COL5A2: variants seen among roughly 807,000 people sequenced by gnomAD.
COL5A2 encodes collagen alpha-2(V) chain.
A neutral mutation model predicts 208.2 loss-of-function variants in COL5A2; 23 were observed. The observed-to-expected ratio is 0.11, with a 90% confidence interval of 0.08 to 0.16. COL5A2 has a LOEUF of 0.16. Ranked by LOEUF, COL5A2 falls within the 10% of genes least tolerant of loss-of-function variation. COL5A2 has a pLI of 1.00. For missense variants in COL5A2, 1,590 were observed against 1,956.4 expected, an observed-to-expected ratio of 0.81 and a Z score of 3.53; for synonymous variants, 625 against 628.5, an observed-to-expected ratio of 0.99 and a Z score of 0.08.
chr2:189,393,026 TAAAAG>T, the COL5A2 span, among the ~76,000 whole-genome samples: 1 of 152,028 alleles, frequency 6.6e-6, no homozygotes, highest in East Asian at 1.9e-4. Flanking sequence ...TACGCATAAA[TAAAAG>T]AAAAAAAACT....
chr2:189,226,378 G>C (rs970791487), upstream of COL5A2, among the ~76,000 whole-genome samples: 1 of 152,080 alleles, frequency 6.6e-6, no homozygotes, highest in African/African-American at 2.4e-5. Context: ...CTGTTTATGA[G>C]AAATCCCAAA....
the COL5A2 span, among the ~76,000 whole-genome samples, chr2:189,390,212 T>C: frequency 6.6e-6 from 1 of 152,074 alleles, no homozygotes; most frequent in African/African-American, 2.4e-5. Context: ...CCCAATCCCC[T>C]GGAGCTCACC....
At chr2:189,407,989 G>T in the COL5A2 span, among the ~76,000 whole-genome samples, 1 of 152,148 alleles carries the variant, frequency 6.6e-6, no homozygotes, top group African/African-American at 2.4e-5. Flanking sequence ...CAATATTTTT[G>T]ATAGTGAAAG....
chr2:189,203,582 T>A (rs1689106311), intron 1 of COL5A2, among the ~76,000 whole-genome samples: 1 of 152,240 alleles, frequency 6.6e-6, no homozygotes, highest in South Asian at 2.1e-4. Flanking sequence ...TGTCACCTTG[T>A]TAGCTGTAAT....
chr2:189,361,054 G>A, the COL5A2 span, among the ~76,000 whole-genome samples: 2 of 150,916 alleles, frequency 1.3e-5, no homozygotes, highest in Non-Finnish European at 2.9e-5. Flanking sequence ...TCTGTGTGCT[G>A]TTGAGAAATA....
chr2:189,378,627 G>A, the COL5A2 span, among the ~76,000 whole-genome samples: 4 of 152,004 alleles, frequency 2.6e-5, no homozygotes, highest in Non-Finnish European at 4.4e-5. Context: ...GGGAGGCTGA[G>A]GCAGCAGAAT....
chr2:189,251,088 G>A, the COL5A2 span, among the ~76,000 whole-genome samples: 1 of 152,094 alleles, frequency 6.6e-6, no homozygotes, highest in Admixed American at 6.6e-5. Flanking sequence ...GATTACATGT[G>A]AGCAAGTGTA....
intron 1 of COL5A2, among the ~76,000 whole-genome samples, chr2:189,112,702 G>T (rs1687308410): frequency 6.6e-6 from 1 of 152,156 alleles, no homozygotes; most frequent in Non-Finnish European, 1.5e-5. Flanking sequence ...AACAGTATTA[G>T]CTCTATGTCC....
chr2:189,092,911 T>C (rs1419048871), intron 6 of COL5A2, among the ~76,000 whole-genome samples: 1 of 152,188 alleles, frequency 6.6e-6, no homozygotes, highest in African/African-American at 2.4e-5. Context: ...TTCTGTCTAA[T>C]TGTTTAATGC....
the COL5A2 span, among the ~76,000 whole-genome samples, chr2:189,317,551 C>T: frequency 6.6e-6 from 1 of 152,078 alleles, no homozygotes; most frequent in Non-Finnish European, 1.5e-5. Context: ...TAATAACATT[C>T]TTGATTTAAA....
the COL5A2 span, among the ~76,000 whole-genome samples, chr2:189,276,098 A>C: frequency 6.6e-6 from 1 of 152,320 alleles, no homozygotes; most frequent in East Asian, 1.9e-4. Context: ...GTTTAGACTA[A>C]TAACTATCTT....
intron 1 of COL5A2, among the ~76,000 whole-genome samples, chr2:189,164,689 T>C (rs1453683963): frequency 1.3e-5 from 2 of 152,154 alleles, no homozygotes; most frequent in East Asian, 3.8e-4. Context: ...GCTTATGTAA[T>C]AGGGTTTTAC....
the COL5A2 span, among the ~76,000 whole-genome samples, chr2:189,267,517 T>C: frequency 6.6e-6 from 1 of 152,012 alleles, no homozygotes; most frequent in South Asian, 2.1e-4. Flanking sequence ...ATAGGAGCAA[T>C]AAATATAGGA....
At chr2:189,276,186 T>C in the COL5A2 span, among the ~76,000 whole-genome samples, 1 of 152,204 alleles carries the variant, frequency 6.6e-6, no homozygotes, top group Non-Finnish European at 1.5e-5. Flanking sequence ...ATTGCAGTAA[T>C]CTGTCTCACA....
chr2:189,281,936 C>A, the COL5A2 span, among the ~76,000 whole-genome samples: 1 of 152,204 alleles, frequency 6.6e-6, no homozygotes, highest in African/African-American at 2.4e-5. Context: ...GTAATCCCAG[C>A]ACTTCGGGAG....
Position 189,048,372 on chromosome 2 carries a change from CAGTT to C in COL5A2, c.3148-114_3148-111del, listed in dbSNP as rs1310288788. 3.5e-5 allele frequency: 33 copies of C among 932,312 alleles called. 1 individual carries two copies. In the East Asian group the frequency reaches 3.6e-4, roughly 10 times the overall value. The allele number at this position is 932,312 out of a possible 1,614,324, so 57.8% of individuals were successfully genotyped here. A position where few individuals can be genotyped will look rare whatever the true frequency, so the allele number is the denominator to read the frequency against. On this transcript the variant is annotated intron_variant, in intron 44 of 53. Transcript: ENST00000374866. ...TTTACACCTGTGTTTTATAAACTGT[CAGTT>C]AGCATTTATGCAAATGTCAGCAGAA...
At chr2:189,251,157 TTTG>T in the COL5A2 span, among the ~76,000 whole-genome samples, 1 of 152,100 alleles carries the variant, frequency 6.6e-6, no homozygotes, top group Non-Finnish European at 1.5e-5. Context: ...TTTTTAAATA[TTTG>T]TTGAATATGA....
chr2:189,321,142 G>A, the COL5A2 span, among the ~76,000 whole-genome samples: 1 of 152,180 alleles, frequency 6.6e-6, no homozygotes, highest in East Asian at 1.9e-4. Flanking sequence ...CACCAGGCCT[G>A]CCCTACAACA....
chr2:189,040,335 C>CT (rs34847104), intron 50 of COL5A2, among the ~76,000 whole-genome samples: 99,812 of 138,078 alleles, frequency 0.72, 36,713 homozygotes, highest in Non-Finnish European at 0.79. Context: ...GCCCTCCTGC[C>CT]TTTTTTTTTT....
Sources: allele counts gnomAD v4.1 joint callset (sites outside exome capture counted in the v4.1 genomes callset), GRCh38; gene constraint gnomAD v4.1.1; transcripts MANE v1.5; gene names NCBI Gene and HGNC (gene_info 2026-07-23, HGNC 2026-07-21).